Variants in ERP44 observed in about 807,000 individuals in gnomAD.
The protein encoded by ERP44 is endoplasmic reticulum protein 44.
A neutral mutation model predicts 53.4 loss-of-function variants in ERP44; 25 were observed. The observed-to-expected ratio is 0.47, with a 90% CI of 0.34 to 0.65. The LOEUF is 0.65. ERP44 is among the 30% of genes least tolerant of loss of function. The pLI is 0.01. For missense variants in ERP44, 338 were observed against 493.2 expected, an observed-to-expected ratio of 0.69 and a Z score of 2.98; for synonymous variants, 145 against 161.2, an observed-to-expected ratio of 0.90 and a Z score of 0.76.
chr9:100,059,047 A>G (rs189820450), intron 2 of ERP44, among the ~76,000 whole-genome samples: 30 of 152,312 alleles, frequency 2.0e-4, no homozygotes, highest in African/African-American at 5.1e-4. Context: ...ATAGATATTA[A>G]TAAGTGTTCC....
chr9:100,014,409 C>T (rs1277293784), intron 8 of ERP44, among the ~76,000 whole-genome samples: 1 of 152,094 alleles, frequency 6.6e-6, no homozygotes, highest in Non-Finnish European at 1.5e-5. Flanking sequence ...CTCAGCCTCC[C>T]GAGTAGCTGG....
chr9:100,095,839 T>C (rs1259303333), intron 1 of ERP44, among the ~76,000 whole-genome samples: 1 of 152,154 alleles, frequency 6.6e-6, no homozygotes. Flanking sequence ...CTACATATAT[T>C]ATTAACATTA....
chr9:100,028,271 T>C (rs1206602693), intron 4 of ERP44, among the ~76,000 whole-genome samples: 1 of 152,176 alleles, frequency 6.6e-6, no homozygotes, highest in Non-Finnish European at 1.5e-5. Context: ...GAATGCCTCT[T>C]GCTTAGTGCC....
intron 1 of ERP44, among the ~76,000 whole-genome samples, chr9:100,067,328 C>T (rs1175007263): frequency 1.3e-5 from 2 of 152,114 alleles, no homozygotes; most frequent in African/African-American, 4.8e-5. Flanking sequence ...GTGCCTGCGA[C>T]TGCAGGCGCG....
chr9:100,004,015 G>A (rs545322556), intron 10 of ERP44, among the ~76,000 whole-genome samples: 1 of 152,332 alleles, frequency 6.6e-6, no homozygotes, highest in Non-Finnish European at 1.5e-5. Context: ...ACGATCTATG[G>A]CAGCTTGTCT....
intron 10 of ERP44, chr9:99,998,342 C>T (rs1206175567): frequency 1.8e-6 from 1 of 549,200 alleles, no homozygotes; most frequent in Non-Finnish European, 3.4e-6. Flanking sequence ...GTCCCCGAAC[C>T]TTTTGCCTTG....
rs543005558 is a variant in ERP44, at chr9:100,017,274, C to T, written c.646-836G>A. Among the ~76,000 whole-genome samples the T allele has an allele frequency of 2.6e-5, 4 of 152,308 alleles. No individual in the cohort carries two copies. The South Asian group carries it at 8.3e-4, about 32-fold the overall frequency. On this transcript the variant is annotated intron_variant, in intron 7 of 11. Coordinates refer to ENST00000262455, the MANE Select transcript of ERP44 (RefSeq NM_015051.3). ...TCCCAACATCCCAATAAAGCAAGTA[C>T]TGTTTTTATCATCCCGTTTTTACTA...
chr9:100,039,568 A>G (rs1825880980), intron 4 of ERP44, among the ~76,000 whole-genome samples: 1 of 152,112 alleles, frequency 6.6e-6, no homozygotes, highest in Admixed American at 6.6e-5. Flanking sequence ...ACATCAAAAA[A>G]TAAGAAAAAA....
intron 4 of ERP44, among the ~76,000 whole-genome samples, chr9:100,037,606 G>A (rs1236634852): frequency 6.6e-6 from 1 of 152,130 alleles, no homozygotes; most frequent in East Asian, 1.9e-4. Flanking sequence ...TCAAGGAGAG[G>A]AGAGGGAAGA....
rs75786795 is a variant in ERP44 at position 100,044,426 on chromosome 9, T to C, written c.286+7991A>G. Among the ~76,000 whole-genome samples, 11 of 152,122 alleles carry C rather than the reference T, an allele frequency of 7.2e-5. No homozygotes were observed. The South Asian group carries it at 2.3e-3, about 32-fold the overall frequency. ...TATTAAATGAAATTCTTTTTTTTTT[T>C]AATGGACAGAACAGTATGAACATAT... On this transcript the variant is annotated intron_variant, in intron 4 of 11. Transcript: ENST00000262455.
At chr9:100,044,359 A>ACTG (rs1825945465) in intron 4 of ERP44, among the ~76,000 whole-genome samples, 1 of 152,032 alleles carries the variant, frequency 6.6e-6, no homozygotes, top group African/African-American at 2.4e-5. Flanking sequence ...TATTAACATC[A>ACTG]CTGCTGCTGC....
At chr9:100,039,617 A>G (rs1474786103) in intron 4 of ERP44, among the ~76,000 whole-genome samples, 2 of 152,120 alleles carry the variant, frequency 1.3e-5, no homozygotes, top group Admixed American at 6.5e-5. Flanking sequence ...TTAAAGAATT[A>G]GAAAAGCAAG....
chr9:100,001,001 A>AC (rs1830370358), intron 10 of ERP44, among the ~76,000 whole-genome samples: 2 of 151,902 alleles, frequency 1.3e-5, no homozygotes, highest in African/African-American at 4.8e-5. Context: ...CCTTCCTAAA[A>AC]CTATTTTTGC....
At chr9:100,039,969 T>C (rs1825885046) in intron 4 of ERP44, among the ~76,000 whole-genome samples, 1 of 151,906 alleles carries the variant, frequency 6.6e-6, no homozygotes, top group African/African-American at 2.4e-5. Flanking sequence ...GATTGAGCCA[T>C]GAAGAAATCC....
At chr9:99,998,857 T>C (rs551765833) in intron 10 of ERP44, 3 of 1,428,376 alleles carry the variant, frequency 2.1e-6, no homozygotes, top group East Asian at 2.3e-5. Context: ...TAGGTGTAGT[T>C]CTTCTAGCAA....
intron 9 of ERP44, among the ~76,000 whole-genome samples, chr9:100,007,172 G>A (rs2118633207): frequency 1.3e-5 from 2 of 152,306 alleles, no homozygotes; most frequent in South Asian, 2.1e-4. Flanking sequence ...AAATGCTTTG[G>A]AGAAATCCAC....
At chr9:100,096,964 A>C (rs1245672334) in intron 1 of ERP44, among the ~76,000 whole-genome samples, 1 of 152,198 alleles carries the variant, frequency 6.6e-6, no homozygotes, top group Admixed American at 6.5e-5. Flanking sequence ...CTAGCATATG[A>C]GTATTAAAAC....
rs1304649278 is a variant in ERP44 at position 99,990,593 on chromosome 9, G to GA, written c.1017-5525dup. Among the ~76,000 whole-genome samples the GA allele has an allele frequency of 2.6e-5, 4 of 152,180 alleles. No individual in the cohort carries two copies. In the East Asian group the frequency reaches 7.7e-4, roughly 29 times the overall value. On this transcript the variant is annotated intron_variant, in intron 10 of 11. Transcript: ENST00000262455. ...GTGTAAAGACCATTGATGCTAGGAA[G>GA]AAACTGCATCAACTAATGAGCAAAA... is the stretch of plus-strand genomic sequence containing the variant.
intron 10 of ERP44, among the ~76,000 whole-genome samples, chr9:99,999,427 T>G (rs1326072641): frequency 6.6e-6 from 1 of 152,200 alleles, no homozygotes; most frequent in African/African-American, 2.4e-5. Flanking sequence ...TCTAATATCT[T>G]TGATGATTAG....
Sources: gnomAD v4.1 joint callset for allele counts (sites outside exome capture counted in the v4.1 genomes callset) on GRCh38, gnomAD v4.1.1 for gene constraint, MANE v1.5 for transcripts, NCBI Gene and HGNC (gene_info 2026-07-23, HGNC 2026-07-21) for gene names.